The following IRAK1BP1 variants were observed in gnomAD, a reference collection of about 807,000 sequenced individuals.
IRAK1BP1 encodes interleukin-1 receptor-associated kinase 1-binding protein 1.
In IRAK1BP1, 24 loss-of-function variants were observed where a neutral mutation model predicts 28.0. The observed-to-expected ratio is 0.86, with a 90% CI of 0.62 to 1.20. IRAK1BP1 has a LOEUF of 1.20. IRAK1BP1 is among the 50% of genes most tolerant of loss of function. IRAK1BP1 has a pLI of 0.00. For synonymous variants in IRAK1BP1, 131 were observed against 116.3 expected (o/e 1.13, Z -0.81); for missense variants, 336 against 316.7 (o/e 1.06, Z -0.46).
At chr6:78,940,937 C>T (rs1295488128) in intron 4 of IRAK1BP1, 1 of 1,613,944 alleles carries the variant, frequency 6.2e-7, no homozygotes, top group Non-Finnish European at 8.5e-7. Context: ...TTTTCGGTTA[C>T]TTCTCCTTAA....
downstream of IRAK1BP1, among the ~76,000 whole-genome samples, chr6:78,906,766 G>A (rs1772271853): frequency 6.6e-6 from 1 of 152,110 alleles, no homozygotes; most frequent in African/African-American, 2.4e-5. Context: ...TGTTTTAGGG[G>A]ATTTTTATTC....
chr6:78,875,335 A>G (rs1240189638), intron 1 of IRAK1BP1, among the ~76,000 whole-genome samples: 2 of 152,246 alleles, frequency 1.3e-5, no homozygotes, highest in African/African-American at 4.8e-5. Context: ...TTTCTCAAAG[A>G]ACTAGAAATA....
At chr6:78,917,412 G>A (rs1398941190) in intron 4 of IRAK1BP1, among the ~76,000 whole-genome samples, 2 of 151,944 alleles carry the variant, frequency 1.3e-5, no homozygotes, top group African/African-American at 2.4e-5. Flanking sequence ...TGAGAAGTAT[G>A]GAATAACGTA....
At chr6:78,878,180 G>A (rs1320147593) in intron 1 of IRAK1BP1, among the ~76,000 whole-genome samples, 3 of 152,138 alleles carry the variant, frequency 2.0e-5, no homozygotes, top group African/African-American at 7.2e-5. Flanking sequence ...ATCTGAGAAC[G>A]GACAGACTGC....
At chr6:78,881,027 C>T (rs1016850638) in intron 1 of IRAK1BP1, among the ~76,000 whole-genome samples, 4 of 151,852 alleles carry the variant, frequency 2.6e-5, no homozygotes, top group Admixed American at 6.6e-5. Flanking sequence ...GATAATTTGC[C>T]GAAGTGAATT....
At chr6:78,952,766 C>T in the IRAK1BP1 span, among the ~76,000 whole-genome samples, 1 of 151,908 alleles carries the variant, frequency 6.6e-6, no homozygotes, top group Admixed American at 6.6e-5. Flanking sequence ...CACTCTTTTC[C>T]TCTCAAATAA....
intron 1 of IRAK1BP1, among the ~76,000 whole-genome samples, chr6:78,877,602 G>A (rs558522757): frequency 2.0e-5 from 3 of 152,170 alleles, no homozygotes; most frequent in Non-Finnish European, 4.4e-5. Context: ...TTCCAACTGA[G>A]GTACTGGGTT....
At chr6:78,919,103 A>G (rs1177803989) in intron 4 of IRAK1BP1, among the ~76,000 whole-genome samples, 2 of 152,376 alleles carry the variant, frequency 1.3e-5, no homozygotes, top group East Asian at 3.9e-4. Context: ...TAGACTTTCA[A>G]GTAAACAACA....
chr6:78,948,158 A>G (rs999753116), downstream of IRAK1BP1, among the ~76,000 whole-genome samples: 1 of 152,206 alleles, frequency 6.6e-6, no homozygotes, highest in Non-Finnish European at 1.5e-5. Context: ...TGACTCATTA[A>G]AACACAACTG....
downstream of IRAK1BP1, chr6:78,947,570 A>G: frequency 1.2e-6 from 1 of 858,262 alleles, no homozygotes; most frequent in Non-Finnish European, 1.8e-6. Flanking sequence ...TAGTCATTTA[A>G]CACACTCCTC....
intron 1 of IRAK1BP1, among the ~76,000 whole-genome samples, chr6:78,879,210 G>A (rs1470127467): frequency 6.6e-6 from 1 of 152,040 alleles, no homozygotes; most frequent in Non-Finnish European, 1.5e-5. Flanking sequence ...TGGGGTGGGG[G>A]TAGGGGGTAG....
At chr6:78,944,747 A>C (rs542205088) in intron 4 of IRAK1BP1, among the ~76,000 whole-genome samples, 222 of 152,336 alleles carry the variant, frequency 1.5e-3, no homozygotes, top group Middle Eastern at 3.4e-3. Flanking sequence ...GTCATGATGC[A>C]AAATGCTTAT....
At chr6:78,971,274 C>A in the IRAK1BP1 span, among the ~76,000 whole-genome samples, 9 of 152,266 alleles carry the variant, frequency 5.9e-5, no homozygotes, top group East Asian at 1.7e-3. Flanking sequence ...GAAAAATGTA[C>A]TTTCACATAT....
At chr6:78,935,404 G>A in intron 4 of IRAK1BP1, 1 of 688,080 alleles carries the variant, frequency 1.5e-6, no homozygotes, top group Non-Finnish European at 1.8e-6. Context: ...ATGCCAATCT[G>A]ACAAAATTTC....
At chr6:78,885,720 A>AC (rs1342072502) in intron 2 of IRAK1BP1, among the ~76,000 whole-genome samples, 1 of 152,256 alleles carries the variant, frequency 6.6e-6, no homozygotes, top group South Asian at 2.1e-4. Flanking sequence ...TGCGGGTGAC[A>AC]CTACAGGAGA....
downstream of IRAK1BP1, among the ~76,000 whole-genome samples, chr6:78,907,671 A>T (rs1322501065): frequency 6.6e-6 from 1 of 152,152 alleles, no homozygotes; most frequent in Non-Finnish European, 1.5e-5. Context: ...TAGCCTAATT[A>T]TATTAGATGT....
At position 78,868,311 on chromosome 6, in the gene IRAK1BP1, ACGACCTGCTTCCTTC is replaced by A. The variant is rs144339266; in HGVS notation, c.315+424_315+438del. Among the ~76,000 whole-genome samples the A allele has an allele frequency of 9.1e-3, 1,388 of 152,334 alleles. 26 individuals carry two copies. The highest frequency in any genetic ancestry group is 0.032 in the African/African-American group (1,329 of 41,568). On this transcript the variant is annotated intron_variant, in intron 1 of 3. Coordinates refer to ENST00000369940, the MANE Select transcript of IRAK1BP1 (RefSeq NM_001010844.4). ...ACCATGGAATTGGCAAGTGAAGAGC[ACGACCTGCTTCCTTC>A]CGATCATGTAAAACTTTGCATGGAA...
the IRAK1BP1 span, among the ~76,000 whole-genome samples, chr6:78,964,572 C>CGAG: frequency 6.6e-6 from 1 of 152,058 alleles, no homozygotes; most frequent in Non-Finnish European, 1.5e-5. Context: ...GGCTCACTGC[C>CGAG]ACCTCCGCCT....
chr6:78,935,792 G>C, intron 4 of IRAK1BP1: 1 of 972,094 alleles, frequency 1.0e-6, no homozygotes, highest in East Asian at 1.1e-4. Flanking sequence ...AGCTTGTTGA[G>C]ATTATGTACT....
Sources: gnomAD v4.1 joint callset for allele counts (sites outside exome capture counted in the v4.1 genomes callset) on GRCh38, gnomAD v4.1.1 for gene constraint, MANE v1.5 for transcripts, NCBI Gene and HGNC (gene_info 2026-07-23, HGNC 2026-07-21) for gene names.